Variants in RBM47 observed in about 807,000 individuals in gnomAD.
RBM47 encodes RNA binding motif protein 47, also known as RNA-binding protein 47.
In RBM47, 21 loss-of-function variants were observed where a neutral mutation model predicts 47.1. The observed-to-expected ratio is 0.45, with a 90% confidence interval of 0.32 to 0.64. RBM47 has a LOEUF of 0.64. RBM47 is among the 30% of genes least tolerant of loss of function. The probability of loss-of-function intolerance (pLI) is 0.05; values close to 1 mark genes in which losing one functional copy is unlikely to be tolerated. For missense variants in RBM47, 708 were observed against 870.9 expected (o/e 0.81, Z 2.35); for synonymous variants, 375 against 361.7 (o/e 1.04, Z -0.42).
At chr4:40,475,816 C>T (rs1719524797) in intron 2 of RBM47, 1 of 152,182 alleles carries the variant, frequency 6.6e-6, no homozygotes, top group African/African-American at 2.4e-5. Context: ...CCTCATTGGT[C>T]AACGAAATGA....
At chr4:40,612,816 A>G (rs1736375945) in intron 1 of RBM47, among the ~76,000 whole-genome samples, 1 of 152,186 alleles carries the variant, frequency 6.6e-6, no homozygotes, top group African/African-American at 2.4e-5. Flanking sequence ...CCTAGAACCC[A>G]TGTCAATTTG....
chr4:40,554,798 A>C (rs9997839), intron 1 of RBM47, among the ~76,000 whole-genome samples: 3 of 144,064 alleles, frequency 2.1e-5, no homozygotes, highest in Middle Eastern at 3.5e-3. Flanking sequence ...TTTTTAACGA[A>C]TCTCCCAGGC....
intron 1 of RBM47, among the ~76,000 whole-genome samples, chr4:40,589,699 G>A (rs1295096119): frequency 9.2e-5 from 14 of 152,200 alleles, no homozygotes; most frequent in African/African-American, 1.4e-4. Flanking sequence ...TCGGCCTCCC[G>A]AAGTGCTGGG....
intron 3 of RBM47, among the ~76,000 whole-genome samples, chr4:40,442,202 T>C (rs1242376800): frequency 6.6e-6 from 1 of 152,222 alleles, no homozygotes; most frequent in African/African-American, 2.4e-5. Flanking sequence ...AATGCATACA[T>C]ACATGCATAT....
At chr4:40,518,110 G>A (rs1182951792) in intron 2 of RBM47, among the ~76,000 whole-genome samples, 1 of 148,056 alleles carries the variant, frequency 6.8e-6, no homozygotes, top group Non-Finnish European at 1.5e-5. Flanking sequence ...TAGCCAATAA[G>A]ATAGCCATCA....
intron 2 of RBM47, among the ~76,000 whole-genome samples, chr4:40,496,506 C>T (rs922506883): frequency 6.6e-6 from 1 of 152,214 alleles, no homozygotes; most frequent in East Asian, 1.9e-4. Flanking sequence ...CAGACATTCA[C>T]ATAAACTCTT....
Position 40,445,831 on chromosome 4 carries a change from T to C in RBM47, c.-31-6907A>G, listed in dbSNP as rs80110285. 2.9e-3 allele frequency among the ~76,000 whole-genome samples: 449 copies of C among 152,342 alleles called. 4 individuals carry two copies. Among genetic ancestry groups the C allele is most frequent in the African/African-American group, 0.01 (434 of 41,574 alleles). Reference sequence around the variant, plus strand: ...ATATCCTGAATGTTGAGATTCTTGCTTGGGGCAGAAGTGTGGACAGAATGA... The same window carrying C: ...ATATCCTGAATGTTGAGATTCTTGCCTGGGGCAGAAGTGTGGACAGAATGA... On this transcript the variant is annotated intron_variant, in intron 3 of 6. Transcript: ENST00000295971.
intron 2 of RBM47, among the ~76,000 whole-genome samples, chr4:40,511,307 C>T (rs554684285): frequency 1.3e-5 from 2 of 152,196 alleles, no homozygotes; most frequent in African/African-American, 2.4e-5. Flanking sequence ...TTGTGAAATG[C>T]CTTTTCATTT....
At chr4:40,551,032 C>T (rs567633586) in intron 1 of RBM47, among the ~76,000 whole-genome samples, 1 of 152,256 alleles carries the variant, frequency 6.6e-6, no homozygotes, top group Non-Finnish European at 1.5e-5. Flanking sequence ...AAGCTGCCCT[C>T]TTGTGGTTCT....
rs189695473 is a variant in RBM47, at chr4:40,487,035, G to C, written c.-154-20336C>G. On this transcript the variant is annotated intron_variant, in intron 2 of 6. Coordinates refer to ENST00000295971, the MANE Select transcript of RBM47 (RefSeq NM_001098634.2). The stretch of plus-strand genomic sequence containing the variant: ...ATTTCTTTAAGACTTACTTAAACTG[G>C]AAGAGTCCTAAGATTTCAGTAGCCA... Among the ~76,000 whole-genome samples, 226 of 152,250 alleles carry C rather than the reference G, an allele frequency of 1.5e-3. 2 individuals carry two copies. Among genetic ancestry groups the C allele is most frequent in the African/African-American group, 5.2e-3 (216 of 41,554 alleles).
chr4:40,614,333 G>A (rs954323446), intron 1 of RBM47, among the ~76,000 whole-genome samples: 1 of 152,114 alleles, frequency 6.6e-6, no homozygotes, highest in South Asian at 2.1e-4. Flanking sequence ...AATTGCAGCT[G>A]TGTAAAACAT....
chr4:40,519,500 T>C (rs1725969254), intron 2 of RBM47, among the ~76,000 whole-genome samples: 2 of 151,678 alleles, frequency 1.3e-5, no homozygotes, highest in South Asian at 2.1e-4. Flanking sequence ...TTTCTGCATG[T>C]TGGTCAGGCT....
chr4:40,535,838 A>G (rs1727921733), intron 2 of RBM47, among the ~76,000 whole-genome samples: 1 of 151,748 alleles, frequency 6.6e-6, no homozygotes. Flanking sequence ...GATTACAGGC[A>G]TGAGCCACCA....
chr4:40,599,763 C>T (rs1735075581), intron 1 of RBM47, among the ~76,000 whole-genome samples: 1 of 149,732 alleles, frequency 6.7e-6, no homozygotes, highest in African/African-American at 2.5e-5. Flanking sequence ...ATCCTCAAGC[C>T]AGACTAGCCA....
chr4:40,467,167 A>G (rs1718175931), intron 2 of RBM47, among the ~76,000 whole-genome samples: 1 of 152,164 alleles, frequency 6.6e-6, no homozygotes, highest in Non-Finnish European at 1.5e-5. Flanking sequence ...TAGATCTTCA[A>G]ACTCTTCCTG....
At position 40,520,441 on chromosome 4, in the gene RBM47, C is replaced by T. The variant is rs1011541321; in HGVS notation, c.-155+23981G>A. On this transcript the variant is annotated intron_variant, in intron 2 of 6. Coordinates refer to ENST00000295971, the MANE Select transcript of RBM47 (RefSeq NM_001098634.2). ...GTGTCTCTGGGGAGTGCTGCTCTAT[C>T]GCCCCAGGCCTATTCCAAAGCATCT... Among the ~76,000 whole-genome samples the T allele has an allele frequency of 4.0e-5, 6 of 151,830 alleles. No individual in the cohort carries two copies. The East Asian group carries it at 5.8e-4, about 15-fold the overall frequency.
intron 1 of RBM47, among the ~76,000 whole-genome samples, chr4:40,568,428 CAAAAAAAAAAAAA>C (rs35434439): frequency 3.5e-5 from 2 of 57,574 alleles, no homozygotes; most frequent in Non-Finnish European, 6.7e-5. Context: ...AACCCTGTCT[CAAAAAAAAAAAAA>C]AAAAAAAAAA....
At chr4:40,557,797 C>A (rs1248393159) in intron 1 of RBM47, among the ~76,000 whole-genome samples, 1 of 152,118 alleles carries the variant, frequency 6.6e-6, no homozygotes, top group African/African-American at 2.4e-5. Flanking sequence ...TAGAATTTTA[C>A]AATAAAAAAT....
intron 1 of RBM47, among the ~76,000 whole-genome samples, chr4:40,614,671 C>CA (rs944891449): frequency 2.9e-3 from 337 of 117,816 alleles, no homozygotes; most frequent in East Asian, 7.8e-3. Context: ...CCCATCTCTA[C>CA]AAAAAAAAAA....
Sources: allele counts gnomAD v4.1 joint callset (sites outside exome capture counted in the v4.1 genomes callset), GRCh38; gene constraint gnomAD v4.1.1; transcripts MANE v1.5; gene names NCBI Gene and HGNC (gene_info 2026-07-23, HGNC 2026-07-21).